The following LEMD3 variants were observed in gnomAD, a reference collection of about 807,000 sequenced individuals.
LEMD3 encodes the protein LEM domain containing 3.
LEMD3 carries 33 observed loss-of-function variants against 95.2 expected under a neutral mutation model. The ratio of observed to expected loss-of-function variants is 0.35; its 90% CI spans 0.26 to 0.46. The LOEUF (loss-of-function observed/expected upper bound fraction) is 0.46, where lower values mean the gene tolerates loss of function less well. Ranked by LOEUF, LEMD3 falls within the 20% of genes least tolerant of loss-of-function variation. The pLI, the probability that LEMD3 is intolerant of heterozygous loss-of-function variation, is 1.00. For synonymous variants in LEMD3, 525 were observed against 474.6 expected (o/e 1.11, Z -1.38); for missense variants, 1,210 against 1,192.8 (o/e 1.01, Z -0.21).
At position 65,245,125 on chromosome 12, in the gene LEMD3, C is replaced by T. The variant is rs549372436; in HGVS notation, c.2388-544C>T. Among the ~76,000 whole-genome samples the T allele has an allele frequency of 1.2e-3, 178 of 151,080 alleles. 2 individuals are homozygous for T. Among genetic ancestry groups the T allele is most frequent in the African/African-American group, 4.2e-3 (174 of 41,168 alleles). On this transcript the variant is annotated intron_variant, in intron 10 of 12. Coordinates refer to ENST00000308330, the MANE Select transcript of LEMD3 (RefSeq NM_014319.5). ...GCTAGTCTTTCATTGCCTCAGCTCT[C>T]TGCACTCTTTTTTTTTTTTTTTTGA...
intron 1 of LEMD3, among the ~76,000 whole-genome samples, chr12:65,183,574 G>A (rs547071222): frequency 1.3e-5 from 2 of 152,242 alleles, no homozygotes; most frequent in South Asian, 4.1e-4. Flanking sequence ...AGACAGTGAG[G>A]TATGGAGATA....
At chr12:65,190,692 A>G (rs1212353534) in intron 1 of LEMD3, among the ~76,000 whole-genome samples, 1 of 152,186 alleles carries the variant, frequency 6.6e-6, no homozygotes, top group Non-Finnish European at 1.5e-5. Flanking sequence ...CCATAGGCAC[A>G]TGTTGACAGG....
At chr12:65,171,231 A>G in intron 1 of LEMD3, 113 bp downstream of exon 1, 1 of 1,556,772 alleles carries the variant, frequency 6.4e-7, no homozygotes, top group Non-Finnish European at 8.7e-7. Flanking sequence ...ATGGTTTAAC[A>G]GCAAAAACGC....
intron 1 of LEMD3, among the ~76,000 whole-genome samples, chr12:65,196,234 TA>T (rs533476091): frequency 1.1e-4 from 16 of 149,742 alleles, no homozygotes; most frequent in African/African-American, 2.9e-4. Context: ...AACATGTAAT[TA>T]AAAAAAAAAT....
chr12:65,215,340 T>C (rs188207698), intron 2 of LEMD3, among the ~76,000 whole-genome samples: 2 of 152,316 alleles, frequency 1.3e-5, no homozygotes, highest in African/African-American at 4.8e-5. Context: ...GAAGAGAATC[T>C]TCTGTATTAC....
intron 1 of LEMD3, among the ~76,000 whole-genome samples, chr12:65,191,203 T>G (rs562375627): frequency 6.6e-6 from 1 of 152,170 alleles, no homozygotes; most frequent in Admixed American, 6.5e-5. Flanking sequence ...ATGAATCTCC[T>G]TGAAGACGAA....
chr12:65,243,458 T>C lies in LEMD3; in HGVS notation c.2376T>C (p.Phe792=). The change falls in exon 10 of 13, where the codon TTT becomes TTC. Residue 792 remains phenylalanine, a synonymous_variant. Transcript: ENST00000308330. Reference sequence around the variant, plus strand: ...CGTGTCTAAAGATTCGGAATATGTTTGATCCCGTTATGTAAGTATTATGAT... The same window carrying C: ...CGTGTCTAAAGATTCGGAATATGTTCGATCCCGTTATGTAAGTATTATGAT... The part of the protein sequence containing the change: ...LTPCLKIRNM[F]DPVMEIGDQW... 4.4e-6 allele frequency: 7 copies of C among 1,581,680 alleles called. No individual in the cohort carries two copies. The highest frequency in any genetic ancestry group is 3.5e-6 in the Non-Finnish European group (4 of 1,150,554).
intron 2 of LEMD3, among the ~76,000 whole-genome samples, chr12:65,215,002 C>G (rs543654856): frequency 6.6e-6 from 1 of 152,324 alleles, no homozygotes; most frequent in Non-Finnish European, 1.5e-5. Flanking sequence ...ATTGTACATT[C>G]TGGCCCGGGT....
chr12:65,190,613 A>G (rs1023704863), intron 1 of LEMD3, among the ~76,000 whole-genome samples: 1 of 152,154 alleles, frequency 6.6e-6, no homozygotes, highest in Non-Finnish European at 1.5e-5. Flanking sequence ...AACCAGTGTA[A>G]ATCTTACATG....
At chr12:65,224,858 C>G (rs929228378) in intron 4 of LEMD3, among the ~76,000 whole-genome samples, 1 of 152,058 alleles carries the variant, frequency 6.6e-6, no homozygotes, top group Non-Finnish European at 1.5e-5. Context: ...CTTTCTGAAA[C>G]TTCCATATTA....
At chr12:65,183,420 G>A (rs1868965402) in intron 1 of LEMD3, among the ~76,000 whole-genome samples, 1 of 152,114 alleles carries the variant, frequency 6.6e-6, no homozygotes. Flanking sequence ...CTGAGTTATG[G>A]AGTTATATTA....
Position 65,217,836 on chromosome 12 carries a change from T to C in LEMD3, c.1628-716T>C, listed in dbSNP as rs555059973. Among the ~76,000 whole-genome samples, 15 of 152,336 alleles carry C rather than the reference T, an allele frequency of 9.8e-5. No homozygotes were observed. The East Asian group carries it at 2.7e-3, about 27-fold the overall frequency. On this transcript the variant is annotated intron_variant, in intron 3 of 12. Coordinates refer to ENST00000308330, the MANE Select transcript of LEMD3 (RefSeq NM_014319.5). ...CAATTTTTGTTTTTTAAGATTTTTT[T>C]GAGACAGGATCTTTTCTGTCACTCA...
At chr12:65,213,801 G>A (rs777832607) in intron 2 of LEMD3, among the ~76,000 whole-genome samples, 1 of 152,076 alleles carries the variant, frequency 6.6e-6, no homozygotes, top group African/African-American at 2.4e-5. Flanking sequence ...TTTTTGAAAG[G>A]GGAGTGAGGA....
rs752524303 is a variant in LEMD3 at position 65,170,854 on chromosome 12, A to G, written c.1258A>G (p.Ser420Gly). Residue 420 changes from serine (S) to glycine (G), a missense_variant, in exon 1 of 13, where the codon AGT (serine) becomes GGT (glycine). Around this residue, in one of 2 missense-constraint regions of LEMD3, gnomAD observed 749 missense variants for 622.9 expected, o/e 1.20. Coordinates refer to ENST00000308330, the MANE Select transcript of LEMD3 (RefSeq NM_014319.5). The part of the protein sequence containing the change: ...LPPSAAVAAS[S>G]SLRINHANHT... ...TCCCAGTGCGGCGGTGGCCGCCTCT[A>G]GTTCACTCAGGATCAATCACGCCAA... The G allele has an allele frequency of 1.9e-6, 3 of 1,614,160 alleles. No individual in the cohort carries two copies. The highest frequency in any genetic ancestry group is 3.3e-5 in the Admixed American group (2 of 60,022).
Position 65,169,988 on chromosome 12 carries a change from C to T in LEMD3, c.392C>T (p.Ala131Val). The change falls in exon 1 of 13, where the codon GCT (alanine) becomes GTT (valine). Residue 131 changes from alanine (A) to valine (V), a missense_variant. Ala to Val is a moderately conservative substitution (Grantham distance 64, BLOSUM62 0). Coordinates refer to ENST00000308330, the MANE Select transcript of LEMD3 (RefSeq NM_014319.5). ...GGGGGCGCCTCCGCCGCCCCCGCGG[C>T]TGGCAGCAAAGTGCTGCTGGGCTTC... is the stretch of plus-strand genomic sequence containing the variant. ...GPGGASAAPA[A>V]GSKVLLGFSS... 6.8e-7 allele frequency: 1 copy of T among 1,474,572 alleles called. No individual in the cohort carries two copies. Among genetic ancestry groups the T allele is most frequent in the Non-Finnish European group, 8.9e-7 (1 of 1,124,388 alleles). 91.3% of individuals were successfully genotyped at this position (1,474,572 alleles called of 1,614,324 possible). A position where few individuals can be genotyped will look rare whatever the true frequency, so the allele number is the denominator to read the frequency against.
At chr12:65,228,953 A>G (rs1436319825) in intron 4 of LEMD3, among the ~76,000 whole-genome samples, 1 of 152,182 alleles carries the variant, frequency 6.6e-6, no homozygotes, top group Non-Finnish European at 1.5e-5. Flanking sequence ...TTATAATTTC[A>G]TTTAACCAAC....
At chr12:65,197,753 A>G (rs761947799) in intron 1 of LEMD3, among the ~76,000 whole-genome samples, 6 of 152,006 alleles carry the variant, frequency 3.9e-5, no homozygotes, top group East Asian at 1.9e-4. Flanking sequence ...TTCCACCTCT[A>G]TATGTTGTCT....
At chr12:65,215,292 C>T (rs538638460) in intron 2 of LEMD3, among the ~76,000 whole-genome samples, 1 of 152,178 alleles carries the variant, frequency 6.6e-6, no homozygotes, top group African/African-American at 2.4e-5. Flanking sequence ...AAATTCTGTT[C>T]CCTCCTTCCC....
Position 65,240,040 on chromosome 12 carries a change from T to C in LEMD3, c.2023+10T>C. 10 of 1,578,334 alleles carry C rather than the reference T, an allele frequency of 6.3e-6. No homozygotes were observed. The highest frequency in any genetic ancestry group is 1.1e-5 in the South Asian group (1 of 90,340). On this transcript the variant is annotated intron_variant, in intron 7 of 12. Transcript: ENST00000308330. ...GTGGTAAAGATTATAGGTATGATATTTGTAAGAATCTCAACTATTTCTAGA... is the reference window on the plus strand; with the variant it reads ...GTGGTAAAGATTATAGGTATGATATCTGTAAGAATCTCAACTATTTCTAGA...
Sources: gnomAD v4.1 joint callset for allele counts (sites outside exome capture counted in the v4.1 genomes callset) on GRCh38, gnomAD v4.1.1 for gene constraint, gnomAD v4.1.1 regional missense constraint, MANE v1.5 for transcripts, NCBI Gene and HGNC (gene_info 2026-07-23, HGNC 2026-07-21) for gene names.